HOOK3: variants seen among roughly 807,000 people sequenced by gnomAD.
HOOK3 encodes the protein hook microtubule tethering protein 3, also known as protein Hook homolog 3.
A neutral mutation model predicts 116.3 loss-of-function variants in HOOK3; 24 were observed. That is an observed-to-expected ratio of 0.21 (90% confidence interval 0.15 to 0.29). The LOEUF is 0.29. Among genes scored for constraint, HOOK3 ranks in the 10% least tolerant of loss-of-function variants. HOOK3 has a pLI of 1.00. For synonymous variants in HOOK3, 275 were observed against 283.0 expected (o/e 0.97, Z 0.28); for missense variants, 632 against 830.2 (o/e 0.76, Z 2.93).
At chr8:42,927,465 A>G (rs754542939) in intron 3 of HOOK3, among the ~76,000 whole-genome samples, 10 of 152,058 alleles carry the variant, frequency 6.6e-5, no homozygotes, top group Non-Finnish European at 1.2e-4. Context: ...CATGTTGGCT[A>G]GGCTGGTCTT....
rs934117884 is a variant in HOOK3 at position 43,020,216 on chromosome 8, A to G, written c.*1718A>G. The G allele has an allele frequency of 3.0e-5, 6 of 200,984 alleles. No homozygotes were observed. The highest frequency in any genetic ancestry group is 1.2e-4 in the Admixed American group (2 of 16,664). 12.5% of individuals were successfully genotyped at this position (200,984 alleles called of 1,614,324 possible). Reference sequence around the variant, plus strand: ...TTAAGTACAGAAGTCTGAGCACAGCATGAATGCTTCTGCCTGACAGGACCA... The same window carrying G: ...TTAAGTACAGAAGTCTGAGCACAGCGTGAATGCTTCTGCCTGACAGGACCA... On this transcript the variant is annotated 3_prime_UTR_variant, in exon 22 of 22. Transcript: ENST00000307602.
At position 42,897,176 on chromosome 8, in the gene HOOK3, C is replaced by T. The variant is rs1807007693; in HGVS notation, c.45C>T (p.Ser15=). 4 of 1,248,718 alleles carry T rather than the reference C, an allele frequency of 3.2e-6. No homozygotes were observed. The highest frequency in any genetic ancestry group is 4.0e-5 in the South Asian group (1 of 24,944). 77.4% of individuals were successfully genotyped at this position (1,248,718 alleles called of 1,614,324 possible). Residue 15 remains serine, a synonymous_variant, in exon 1 of 22, where the codon AGC becomes AGT. Coordinates refer to ENST00000307602, the MANE Select transcript of HOOK3 (RefSeq NM_032410.4). The part of the protein sequence containing the change: ...ESLERAELCE[S]LLTWIQTFNV... ...TGGAGCGGGCGGAGCTGTGCGAGAG[C>T]CTCCTCACTTGGGTACGTGGGGGCC...
chr8:42,948,680 A>G (rs1410166989), intron 5 of HOOK3, among the ~76,000 whole-genome samples: 2 of 152,324 alleles, frequency 1.3e-5, no homozygotes, highest in African/African-American at 2.4e-5. Flanking sequence ...TGGTTTCTCC[A>G]TAGCCTTTGA....
At chr8:42,986,531 A>G in intron 14 of HOOK3, 124 bp from the exon 15 acceptor site, 1 of 615,898 alleles carries the variant, frequency 1.6e-6, no homozygotes, top group South Asian at 3.4e-5. Flanking sequence ...CAGGTTCTTT[A>G]TTTTTCATTT....
At chr8:42,918,188 A>G (rs564477414) in intron 2 of HOOK3, among the ~76,000 whole-genome samples, 2 of 152,144 alleles carry the variant, frequency 1.3e-5, no homozygotes, top group South Asian at 2.1e-4. Context: ...AAATGCAAAA[A>G]TTAGCCTGGC....
intron 2 of HOOK3, among the ~76,000 whole-genome samples, chr8:42,919,036 C>A (rs903845185): frequency 1.4e-5 from 2 of 147,622 alleles, no homozygotes; most frequent in African/African-American, 2.5e-5. Flanking sequence ...GGTGGCTGGC[C>A]GGGCGGGGGC....
intron 15 of HOOK3, 54 bp downstream of exon 15, chr8:42,986,849 A>G (rs1357730178): frequency 8.9e-6 from 14 of 1,567,638 alleles, no homozygotes; most frequent in Non-Finnish European, 1.0e-5. Flanking sequence ...ATTTGCCTTG[A>G]TTCTGAATCC....
At chr8:42,957,993 C>A (rs1808466399) in intron 7 of HOOK3, among the ~76,000 whole-genome samples, 1 of 151,990 alleles carries the variant, frequency 6.6e-6, no homozygotes, top group East Asian at 1.9e-4. Context: ...CCATGCCCAG[C>A]TAATTTTTTT....
At chr8:42,984,920 A>G (rs748209401) in intron 14 of HOOK3, among the ~76,000 whole-genome samples, 16 of 152,218 alleles carry the variant, frequency 1.1e-4, no homozygotes, top group Non-Finnish European at 2.1e-4. Flanking sequence ...AACAATGATG[A>G]TAAAGATTCA....
At chr8:42,955,408 A>G (rs1183345615) in intron 6 of HOOK3, among the ~76,000 whole-genome samples, 2 of 152,212 alleles carry the variant, frequency 1.3e-5, no homozygotes, top group Non-Finnish European at 2.9e-5. Context: ...GGTAGCATAT[A>G]GGCAGTTGTA....
At chr8:42,982,305 A>T (rs1808967188) in intron 13 of HOOK3, among the ~76,000 whole-genome samples, 2 of 149,874 alleles carry the variant, frequency 1.3e-5, no homozygotes, top group Non-Finnish European at 3.0e-5. Flanking sequence ...AATAGAATAG[A>T]GGTTACCAGG....
rs1809976074 is a variant in HOOK3 at position 43,028,709 on chromosome 8, C to G, written c.*10211C>G. ...AATATGTATTAATTTACTTGGCCTGCTACTAAAGTGCTTAACATAACTAAA... is the reference window on the plus strand; with the variant it reads ...AATATGTATTAATTTACTTGGCCTGGTACTAAAGTGCTTAACATAACTAAA... On this transcript the variant is annotated 3_prime_UTR_variant, in exon 22 of 22. Coordinates refer to ENST00000307602, the MANE Select transcript of HOOK3 (RefSeq NM_032410.4). 1 of 196,352 alleles carries G rather than the reference C, an allele frequency of 5.1e-6. No homozygotes were observed. The highest frequency in any genetic ancestry group is 2.3e-5 in the African/African-American group (1 of 43,216). The allele number at this position is 196,352 out of a possible 1,614,324, so 12.2% of individuals were successfully genotyped here.
At chr8:42,968,275 C>A in intron 11 of HOOK3, 61 bp downstream of exon 11, 2 of 1,175,626 alleles carry the variant, frequency 1.7e-6, no homozygotes, top group Non-Finnish European at 2.5e-6. Context: ...TGACATGTAG[C>A]TTACCAAAAT....
At chr8:42,961,448 G>T (rs1042052826) in intron 8 of HOOK3, among the ~76,000 whole-genome samples, 4 of 152,210 alleles carry the variant, frequency 2.6e-5, no homozygotes, top group Admixed American at 6.5e-5. Context: ...GTGAATGAGT[G>T]GGTGGGTGAC....
chr8:42,939,522 G>A (rs1048091105), intron 4 of HOOK3, among the ~76,000 whole-genome samples: 4 of 147,378 alleles, frequency 2.7e-5, no homozygotes, highest in African/African-American at 7.4e-5. Flanking sequence ...CGGGCGGGGG[G>A]CTGATCCCCC....
intron 6 of HOOK3, among the ~76,000 whole-genome samples, chr8:42,952,958 A>C (rs948612540): frequency 1.3e-5 from 2 of 152,070 alleles, no homozygotes; most frequent in Non-Finnish European, 2.9e-5. Flanking sequence ...ATTCCCAGCT[A>C]GTGGTGCAGT....
At chr8:42,948,766 C>T (rs1808284040) in intron 5 of HOOK3, among the ~76,000 whole-genome samples, 1 of 152,192 alleles carries the variant, frequency 6.6e-6, no homozygotes, top group African/African-American at 2.4e-5. Context: ...GGGTGATTCT[C>T]ATTAAGAAAA....
chr8:42,950,060 G>A (rs553312469), intron 5 of HOOK3, among the ~76,000 whole-genome samples: 25 of 152,218 alleles, frequency 1.6e-4, no homozygotes, highest in Non-Finnish European at 3.5e-4. Context: ...TTAGAAAAAA[G>A]TAATACAGAG....
chr8:42,910,682 G>T (rs1203295022), intron 2 of HOOK3, among the ~76,000 whole-genome samples: 1 of 152,152 alleles, frequency 6.6e-6, no homozygotes, highest in Non-Finnish European at 1.5e-5. Flanking sequence ...GTTGTATGAT[G>T]TATACAACCT....
Sources: allele counts gnomAD v4.1 joint callset (sites outside exome capture counted in the v4.1 genomes callset), GRCh38; gene constraint gnomAD v4.1.1; transcripts MANE v1.5; gene names NCBI Gene and HGNC (gene_info 2026-07-23, HGNC 2026-07-21).